The following ZBBX variants were observed in gnomAD, a reference collection of about 807,000 sequenced individuals.
The protein encoded by ZBBX is zinc finger B-box domain-containing protein 1.
A neutral mutation model predicts 108.5 loss-of-function variants in ZBBX; 101 were observed. That is an observed-to-expected ratio of 0.93 (90% confidence interval 0.79 to 1.10). The LOEUF is 1.10. Ranked by LOEUF, ZBBX falls within the 50% of genes least tolerant of loss-of-function variation. The probability of loss-of-function intolerance (pLI) is 0.00; values close to 1 mark genes in which losing one functional copy is unlikely to be tolerated. For synonymous variants in ZBBX, 356 were observed against 323.4 expected (o/e 1.10, Z -1.08); for missense variants, 1,009 against 941.4 (o/e 1.07, Z -0.94).
At chr3:167,178,929 T>C in the ZBBX span, among the ~76,000 whole-genome samples, 4 of 152,198 alleles carry the variant, frequency 2.6e-5, no homozygotes, top group Non-Finnish European at 5.9e-5. Flanking sequence ...AGATTCATTC[T>C]TTCCACTATG....
chr3:167,269,192 T>C (rs915225435), intron 20 of ZBBX, among the ~76,000 whole-genome samples: 1 of 152,206 alleles, frequency 6.6e-6, no homozygotes, highest in South Asian at 2.1e-4. Context: ...GACCCAATCA[T>C]GAGCTTATCA....
Position 167,305,871 on chromosome 3 carries a change from G to T in ZBBX, c.1497C>A (p.Ser499Arg), listed in dbSNP as rs746616433. The change falls in exon 17 of 22, where the codon AGC becomes AGA. Residue 499 changes from serine to arginine, a missense_variant. By Grantham distance (110) the Ser-to-Arg change is moderately radical. Transcript: ENST00000675490. ...CCTTTAAATTTCTTTCAAAGGAGGTGCTTTCCTCAATTTTTTCAATGTCAG... is the reference window on the plus strand; with the variant it reads ...CCTTTAAATTTCTTTCAAAGGAGGTTCTTTCCTCAATTTTTTCAATGTCAG... ...YSSDIEKIEESTSFERNLKEK... is the reference protein window; with the variant it reads ...YSSDIEKIEERTSFERNLKEK... 3.7e-6 allele frequency: 6 copies of T among 1,608,526 alleles called. No homozygotes were observed. The highest frequency in any genetic ancestry group is 1.3e-5 in the African/African-American group (1 of 74,612).
intron 1 of ZBBX, chr3:167,401,549 T>C (rs1244588848): frequency 6.6e-6 from 1 of 152,196 alleles, no homozygotes; most frequent in Non-Finnish European, 1.5e-5. Flanking sequence ...GGTGAATTAT[T>C]TATGCCTCCC....
chr3:167,261,670 C>T (rs749912087), intron 20 of ZBBX, among the ~76,000 whole-genome samples: 4 of 151,698 alleles, frequency 2.6e-5, no homozygotes, highest in Non-Finnish European at 5.9e-5. Context: ...GCCTGTCTCA[C>T]TCCCACCATG....
chr3:167,265,609 G>A (rs1725321831), intron 20 of ZBBX, among the ~76,000 whole-genome samples: 4 of 152,148 alleles, frequency 2.6e-5, no homozygotes. Flanking sequence ...TAGGTCATGT[G>A]CCATGCTTGT....
At chr3:167,312,535 A>G (rs572084349) in intron 16 of ZBBX, among the ~76,000 whole-genome samples, 21 of 152,302 alleles carry the variant, frequency 1.4e-4, no homozygotes, top group Admixed American at 1.2e-3. Flanking sequence ...ATGTGTATAG[A>G]GCAAAGGGTA....
At chr3:167,359,564 G>A (rs1215855853) in intron 8 of ZBBX, among the ~76,000 whole-genome samples, 4 of 152,104 alleles carry the variant, frequency 2.6e-5, no homozygotes, top group Non-Finnish European at 5.9e-5. Flanking sequence ...TTTGGTTTTG[G>A]TTTTGGATGG....
At chr3:167,390,807 A>G (rs893907840) in intron 1 of ZBBX, among the ~76,000 whole-genome samples, 48 of 151,972 alleles carry the variant, frequency 3.2e-4, no homozygotes, top group African/African-American at 1.1e-3. Context: ...TGGTTTATAG[A>G]ATGCTTGTGA....
At chr3:167,348,908 G>T (rs569782471) in intron 9 of ZBBX, among the ~76,000 whole-genome samples, 2 of 151,932 alleles carry the variant, frequency 1.3e-5, no homozygotes, top group Non-Finnish European at 2.9e-5. Flanking sequence ...AATGCTCAAC[G>T]TTTAGAAAGC....
chr3:167,188,455 T>G, the ZBBX span, among the ~76,000 whole-genome samples: 1 of 152,146 alleles, frequency 6.6e-6, no homozygotes, highest in Non-Finnish European at 1.5e-5. Flanking sequence ...GCACTAAAAT[T>G]TTCTGATAGG....
Position 167,373,738 on chromosome 3 carries a change from G to C in ZBBX, c.-82C>G, listed in dbSNP as rs1273906413. On this transcript the variant is annotated 5_prime_UTR_variant, in exon 3 of 22. Coordinates refer to ENST00000675490, the MANE Select transcript of ZBBX (RefSeq NM_001199201.2). ...TAAGTGGAAGTGAATCATGATCAGG[G>C]GCTTCACATTGAGCAGGCTGAGGAA... 6.6e-6 allele frequency: 1 copy of C among 152,096 alleles called. No homozygotes were observed. The highest frequency in any genetic ancestry group is 1.5e-5 in the Non-Finnish European group (1 of 68,028). 9.4% of individuals were successfully genotyped at this position (152,096 alleles called of 1,614,324 possible).
intron 1 of ZBBX, among the ~76,000 whole-genome samples, chr3:167,395,728 G>C (rs1748214433): frequency 6.6e-6 from 1 of 151,976 alleles, no homozygotes; most frequent in South Asian, 2.1e-4. Context: ...ACGGATTGAA[G>C]GCTGAGGGTT....
the ZBBX span, among the ~76,000 whole-genome samples, chr3:167,222,460 G>A: frequency 1.3e-5 from 2 of 151,154 alleles, no homozygotes; most frequent in African/African-American, 4.9e-5. Context: ...GATTAATGTG[G>A]ACAAAAAAAA....
At chr3:167,395,795 T>C (rs1006012862) in intron 1 of ZBBX, among the ~76,000 whole-genome samples, 3 of 151,936 alleles carry the variant, frequency 2.0e-5, no homozygotes, top group African/African-American at 7.2e-5. Context: ...AATTGCAAAT[T>C]TGGAAGAGCT....
At chr3:167,210,459 G>A in the ZBBX span, among the ~76,000 whole-genome samples, 822 of 152,250 alleles carry the variant, frequency 5.4e-3, 3 homozygotes, top group South Asian at 0.018. Flanking sequence ...GACTTACAGG[G>A]GAGCTAGAGA....
chr3:167,368,573 T>G lies in ZBBX; in HGVS notation c.70A>C (p.Asn24His). The change falls in exon 5 of 22, where the codon AAT becomes CAT. Residue 24 changes from asparagine to histidine, a missense_variant and splice_region_variant. Asn to His is a moderately conservative substitution (Grantham distance 68). Transcript: ENST00000675490. ...PGNSVKLKYR[N>H]AQELRMEKVQ... ...TTCTCCATTCGCAGTTCTTGAGCATTTCTGAAGACATAAGATTTAAATGGA... is the reference window on the plus strand; with the variant it reads ...TTCTCCATTCGCAGTTCTTGAGCATGTCTGAAGACATAAGATTTAAATGGA... 2 of 1,594,134 alleles carry G rather than the reference T, an allele frequency of 1.3e-6. No individual in the cohort carries two copies. The highest frequency in any genetic ancestry group is 1.7e-6 in the Non-Finnish European group (2 of 1,170,876).
intron 8 of ZBBX, among the ~76,000 whole-genome samples, chr3:167,358,312 T>C (rs896279554): frequency 1.3e-5 from 2 of 151,804 alleles, no homozygotes; most frequent in Non-Finnish European, 2.9e-5. Context: ...TTTACTTATA[T>C]GAGGTAGAGT....
chr3:167,234,443 G>A, the ZBBX span, among the ~76,000 whole-genome samples: 1 of 151,764 alleles, frequency 6.6e-6, no homozygotes, highest in Non-Finnish European at 1.5e-5. Context: ...GAAATCCTAA[G>A]GTGAAAACTT....
rs562244744 is a variant in ZBBX, at chr3:167,290,045, C to G, written c.1880-1062G>C. Reference sequence around the variant, plus strand: ...CAGATTGCCTTCTCAAGAGTCCCTCCCTGAAAAAAAGGCAGAAGCCCCAGC... The same window carrying G: ...CAGATTGCCTTCTCAAGAGTCCCTCGCTGAAAAAAAGGCAGAAGCCCCAGC... On this transcript the variant is annotated intron_variant, in intron 18 of 21. Coordinates refer to ENST00000675490, the MANE Select transcript of ZBBX (RefSeq NM_001199201.2). Among the ~76,000 whole-genome samples the G allele has an allele frequency of 2.6e-4, 39 of 152,172 alleles. 1 individual carries two copies. In the South Asian group the frequency reaches 7.9e-3, roughly 31 times the overall value.
Sources: allele counts gnomAD v4.1 joint callset (sites outside exome capture counted in the v4.1 genomes callset), GRCh38; gene constraint gnomAD v4.1.1; transcripts MANE v1.5; gene names NCBI Gene and HGNC (gene_info 2026-07-23, HGNC 2026-07-21).